IST1: variants seen among roughly 807,000 people sequenced by gnomAD.
The protein encoded by IST1 is IST1 homolog.
A neutral mutation model predicts 37.0 loss-of-function variants in IST1; 23 were observed. The ratio of observed to expected loss-of-function variants is 0.62; its 90% CI spans 0.45 to 0.88. The LOEUF (loss-of-function observed/expected upper bound fraction) is 0.88, where lower values mean the gene tolerates loss of function less well. Among genes scored for constraint, IST1 ranks in the 40% least tolerant of loss-of-function variants. IST1 has a pLI of 0.00. For synonymous variants in IST1, 180 were observed against 161.7 expected, an observed-to-expected ratio of 1.11 and a Z score of -0.86; for missense variants, 488 against 445.4, an observed-to-expected ratio of 1.10 and a Z score of -0.86.
chr16:71,926,988 G>A (rs1346662384), intron 9 of IST1, among the ~76,000 whole-genome samples: 1 of 152,066 alleles, frequency 6.6e-6, no homozygotes, highest in Non-Finnish European at 1.5e-5. Context: ...AGCAGTGTTT[G>A]TTCTATCAGA....
intron 9 of IST1, among the ~76,000 whole-genome samples, chr16:71,926,484 C>T (rs937003307): frequency 3.9e-5 from 6 of 151,906 alleles, no homozygotes; most frequent in African/African-American, 1.2e-4. Flanking sequence ...GCTGGGACTA[C>T]AGGCATCCCC....
intron 1 of IST1, among the ~76,000 whole-genome samples, chr16:71,912,093 C>G (rs1044969940): frequency 6.6e-6 from 1 of 152,132 alleles, no homozygotes; most frequent in South Asian, 2.1e-4. Context: ...TTTTCTCACT[C>G]ATCATCATGA....
chr16:71,911,237 G>A (rs902972507), intron 1 of IST1, among the ~76,000 whole-genome samples: 2 of 151,444 alleles, frequency 1.3e-5, no homozygotes, highest in African/African-American at 4.8e-5. Context: ...AGACTCTTAC[G>A]TCAAAAACAA....
At chr16:71,927,422 G>C (rs991450901) in intron 9 of IST1, among the ~76,000 whole-genome samples, 192 bp from the exon 10 acceptor site, 1 of 151,366 alleles carries the variant, frequency 6.6e-6, no homozygotes, top group Admixed American at 6.6e-5. Context: ...CCAGGAGGCA[G>C]AGGTGCAGTG....
In IST1 at chr16:71,917,092, G is replaced by A. The variant is rs1175437649; in HGVS notation, c.315G>A (p.Trp105Ter). Residue 105 changes from tryptophan (W) to a stop codon, truncating the protein, a stop_gained, in exon 4 of 10, where the codon TGG becomes TGA. Coordinates refer to ENST00000378799, the MANE Select transcript of IST1 (RefSeq NM_001270975.2). LOFTEE classifies it high-confidence loss of function. ...GLAESVSTLI[W>*]AAPRLQSEVA... ...CTGAATCTGTGTCTACATTGATCTG[G>A]GCTGCTCCTCGACTCCAGTCAGAAG... is the stretch of plus-strand genomic sequence containing the variant. The A allele has an allele frequency of 1.9e-6, 3 of 1,612,862 alleles. No homozygotes were observed. Among genetic ancestry groups the A allele is most frequent in the Non-Finnish European group, 2.5e-6 (3 of 1,179,398 alleles).
intron 4 of IST1, among the ~76,000 whole-genome samples, chr16:71,920,090 G>A (rs1228978476): frequency 1.3e-5 from 2 of 152,124 alleles, no homozygotes; most frequent in Admixed American, 6.5e-5. Flanking sequence ...GGCTACACCC[G>A]TTTGGCTAAA....
At chr16:71,918,466 G>A (rs923379130) in intron 4 of IST1, among the ~76,000 whole-genome samples, 3 of 149,946 alleles carry the variant, frequency 2.0e-5, no homozygotes, top group Admixed American at 1.3e-4. Context: ...GCCTGGGCTG[G>A]AGTGCAGTGG....
intron 1 of IST1, among the ~76,000 whole-genome samples, chr16:71,911,951 A>G (rs1438492676): frequency 6.6e-6 from 1 of 151,854 alleles, no homozygotes; most frequent in African/African-American, 2.4e-5. Flanking sequence ...CCTGAGCTCA[A>G]GTCTCTGCCT....
In IST1 at chr16:71,921,096, A is replaced by C. The variant is rs2037569676; in HGVS notation, c.442-247A>C. The stretch of plus-strand genomic sequence containing the variant: ...AGTGAGGTGGGGAGAAGGGTGGATG[A>C]ATTGAACTGTGGAAGGCAGCAGTAT... On this transcript the variant is annotated intron_variant, in intron 5 of 9. Transcript: ENST00000378799. The C allele has an allele frequency of 6.7e-6, 4 of 599,278 alleles. No individual in the cohort carries two copies. The East Asian group carries it at 8.4e-5, about 13-fold the overall frequency. 37.1% of individuals were successfully genotyped at this position (599,278 alleles called of 1,614,324 possible).
chr16:71,930,284 C>G lies in IST1; in HGVS notation c.*2471C>G. The G allele has an allele frequency of 2.4e-6, 3 of 1,256,990 alleles. No individual in the cohort carries two copies. Among genetic ancestry groups the G allele is most frequent in the Non-Finnish European group, 3.1e-6 (3 of 955,374 alleles). The allele number at this position is 1,256,990 out of a possible 1,614,324, so 77.9% of individuals were successfully genotyped here. A position where few individuals can be genotyped will look rare whatever the true frequency, so the allele number is the denominator to read the frequency against. On this transcript the variant is annotated 3_prime_UTR_variant, in exon 10 of 10. Transcript: ENST00000378799. ...GTTTGGGATCTTATCAGAAGAAAAG[C>G]TTATCCGAAGGAAACTTAGGGAGAG...
intron 1 of IST1, among the ~76,000 whole-genome samples, chr16:71,910,628 G>C (rs967683800): frequency 2.7e-5 from 4 of 150,466 alleles, no homozygotes; most frequent in African/African-American, 9.7e-5. Flanking sequence ...AGAAAAAAAA[G>C]AAAAAAAGGT....
intron 6 of IST1, 149 bp from the exon 7 acceptor site, chr16:71,922,325 C>G (rs1159912779): frequency 1.7e-5 from 12 of 691,572 alleles, no homozygotes; most frequent in Middle Eastern, 4.1e-4. Context: ...CTCCTTCCAC[C>G]TAACTCTGCC....
upstream of IST1, chr16:71,895,221 C>A (rs1202334460): frequency 5.7e-6 from 1 of 174,568 alleles, no homozygotes; most frequent in Non-Finnish European, 1.2e-5. Flanking sequence ...GCGGTGAGGC[C>A]GTGGGCGCAG....
At position 71,929,134 on chromosome 16, in the gene IST1, T is replaced by C. The variant is rs1442275681; in HGVS notation, c.*1321T>C. 6.0e-6 allele frequency: 1 copy of C among 165,550 alleles called. No individual in the cohort carries two copies. Among genetic ancestry groups the C allele is most frequent in the Non-Finnish European group, 1.3e-5 (1 of 75,274 alleles). 10.3% of individuals were successfully genotyped at this position (165,550 alleles called of 1,614,324 possible). ...GATTCCTGGAGCAGTACAGAGCTCA[T>C]TTTGATCTCTGTATTTAGATAGCCC... On this transcript the variant is annotated 3_prime_UTR_variant, in exon 10 of 10. Coordinates refer to ENST00000378799, the MANE Select transcript of IST1 (RefSeq NM_001270975.2).
chr16:71,910,998 G>A (rs1489804732), intron 1 of IST1, among the ~76,000 whole-genome samples: 2 of 152,078 alleles, frequency 1.3e-5, no homozygotes, highest in Non-Finnish European at 2.9e-5. Flanking sequence ...AAAAAACATT[G>A]GGAGGCTGAG....
upstream of IST1, chr16:71,895,232 A>C: frequency 5.9e-6 from 1 of 168,208 alleles, no homozygotes; most frequent in Non-Finnish European, 1.3e-5. Flanking sequence ...GTGGGCGCAG[A>C]GTCCGAGAAT....
chr16:71,921,464 C>T lies in IST1; in HGVS notation c.552+11C>T. 6.6e-7 allele frequency: 1 copy of T among 1,513,994 alleles called. No individual in the cohort carries two copies. Among genetic ancestry groups the T allele is most frequent in the Non-Finnish European group, 9.2e-7 (1 of 1,089,938 alleles). The allele number at this position is 1,513,994 out of a possible 1,614,324, so 93.8% of individuals were successfully genotyped here. A position where few individuals can be genotyped will look rare whatever the true frequency, so the allele number is the denominator to read the frequency against. On this transcript the variant is annotated intron_variant, in intron 6 of 9. Coordinates refer to ENST00000378799, the MANE Select transcript of IST1 (RefSeq NM_001270975.2). The stretch of plus-strand genomic sequence containing the variant: ...GACTCTGTGGTCATGGTAAGTTTAT[C>T]CCAGAATACAAAGAAAAATGAGTTT...
rs550113995 is a variant in IST1 at position 71,896,234 on chromosome 16, CTCT to C, written c.-16+651_-16+653del. ...CCTCTCCTCTTTGTTTTTCTCGGTGCTCTTCTTCCGGGGTGCTGGAGGTGACCT... is the reference window on the plus strand; with the variant it reads ...CCTCTCCTCTTTGTTTTTCTCGGTGCTCTTCCGGGGTGCTGGAGGTGACCT... On this transcript the variant is annotated intron_variant, in intron 1 of 9. Coordinates refer to ENST00000378799, the MANE Select transcript of IST1 (RefSeq NM_001270975.2). Among the ~76,000 whole-genome samples, 375 of 152,178 alleles carry C rather than the reference CTCT, an allele frequency of 2.5e-3. 2 individuals are homozygous for C. Among genetic ancestry groups the C allele is most frequent in the African/African-American group, 8.6e-3 (359 of 41,518 alleles).
upstream of IST1, chr16:71,894,698 C>CTTTTTTTT: frequency 2.3e-6 from 1 of 443,580 alleles, no homozygotes; most frequent in South Asian, 2.8e-5. Flanking sequence ...TAATTTTTAA[C>CTTTTTTTT]TTTTTTTTTT....
Sources: gnomAD v4.1 joint callset for allele counts (sites outside exome capture counted in the v4.1 genomes callset) on GRCh38, gnomAD v4.1.1 for gene constraint, MANE v1.5 for transcripts, NCBI Gene and HGNC (gene_info 2026-07-23, HGNC 2026-07-21) for gene names.